Variants in SUMF2 observed in about 807,000 individuals in gnomAD.
SUMF2 encodes sulfatase modifying factor 2.
In SUMF2, 45 loss-of-function variants were observed where a neutral mutation model predicts 44.8. The observed-to-expected ratio is 1.00, with a 90% CI of 0.79 to 1.29. The LOEUF (loss-of-function observed/expected upper bound fraction) is 1.29, where lower values mean the gene tolerates loss of function less well. SUMF2 is among the 50% of genes most tolerant of loss of function. The pLI is 0.00. For missense variants in SUMF2, 418 were observed against 389.9 expected (o/e 1.07, Z -0.61); for synonymous variants, 148 against 150.4 (o/e 0.98, Z 0.12).
chr7:56,068,942 A>G (rs1794993491), intron 2 of SUMF2, among the ~76,000 whole-genome samples: 1 of 151,012 alleles, frequency 6.6e-6, no homozygotes, highest in Non-Finnish European at 1.5e-5. Flanking sequence ...CGAACTCCTG[A>G]CCTCAACTAT....
intron 6 of SUMF2, 103 bp from the exon 7 acceptor site, chr7:56,077,999 C>T: frequency 1.0e-6 from 1 of 963,988 alleles, no homozygotes; most frequent in Non-Finnish European, 1.6e-6. Flanking sequence ...CCTTCCCCTT[C>T]CCCAGATGCA....
At chr7:56,086,991 A>G in the SUMF2 span, 1 of 1,613,344 alleles carries the variant, frequency 6.2e-7, no homozygotes. Context: ...CAAGAAGAAG[A>G]AAGTGTTGGT....
intron 2 of SUMF2, among the ~76,000 whole-genome samples, chr7:56,070,223 A>G (rs918927053): frequency 3.9e-5 from 6 of 152,072 alleles, no homozygotes; most frequent in Admixed American, 3.3e-4. Context: ...ATCCATTTTA[A>G]AAGCCCAATT....
At chr7:56,078,706 C>T (rs555584392) in intron 8 of SUMF2, among the ~76,000 whole-genome samples, 198 bp downstream of exon 8, 1 of 152,112 alleles carries the variant, frequency 6.6e-6, no homozygotes, top group Non-Finnish European at 1.5e-5. Context: ...AGCAAAGGGA[C>T]CCAGGACACC....
chr7:56,080,963 A>G, downstream of SUMF2: 1 of 1,452,638 alleles, frequency 6.9e-7, no homozygotes, highest in Non-Finnish European at 9.4e-7. Context: ...CTCCTTCTGC[A>G]GAGGCCTGCA....
At chr7:56,079,006 T>C in intron 8 of SUMF2, 1 of 619,438 alleles carries the variant, frequency 1.6e-6, no homozygotes. Flanking sequence ...TAGCGATTCT[T>C]CCACCTCAGC....
rs773551960 is a variant in SUMF2, at chr7:56,074,663, C to T, written c.462C>T (p.Ala154=). ...ACGTGAGCTGGAATGACGCCCGTGC[C>T]TACTGTGCTTGGCGGGGAAAACGAC... ...VLHVSWNDAR[A]YCAWRGKRLP... The change falls in exon 5 of 9, where the codon GCC becomes GCT. Residue 154 remains alanine, a synonymous_variant. Transcript: ENST00000434526. 2.5e-6 allele frequency: 4 copies of T among 1,614,172 alleles called. No individual in the cohort carries two copies. The Middle Eastern group carries it at 4.9e-4, about 200-fold the overall frequency.
At chr7:56,087,914 G>A in the SUMF2 span, 1 of 657,026 alleles carries the variant, frequency 1.5e-6, no homozygotes, top group Non-Finnish European at 2.6e-6. Context: ...TTTTGGAAAT[G>A]GTGGATGAAT....
intron 1 of SUMF2, among the ~76,000 whole-genome samples, chr7:56,067,500 C>T (rs962780806): frequency 1.4e-4 from 21 of 152,146 alleles, no homozygotes; most frequent in African/African-American, 3.6e-4. Flanking sequence ...CAGCTGCTAC[C>T]TAAGAGATAG....
chr7:56,083,952 C>T (rs1161812692), downstream of SUMF2, among the ~76,000 whole-genome samples: 1 of 152,146 alleles, frequency 6.6e-6, no homozygotes, highest in Non-Finnish European at 1.5e-5. Flanking sequence ...CTCTCATCAA[C>T]CCTCCGAGGA....
chr7:56,078,436 G>A lies in SUMF2; in HGVS notation c.749G>A (p.Arg250His), dbSNP rs139491470. 34 of 1,610,482 alleles carry A rather than the reference G, an allele frequency of 2.1e-5. No homozygotes were observed. The highest frequency in any genetic ancestry group is 6.7e-5 in the Admixed American group (4 of 59,538). The change falls in exon 8 of 9, where the codon CGC (arginine) becomes CAC (histidine). Residue 250 changes from arginine (R) to histidine (H), a missense_variant. By Grantham distance (29) the Arg-to-His change is conservative. Transcript: ENST00000434526. The stretch of plus-strand genomic sequence containing the variant: ...TACCAGGCTGCTGAGCAGGACATGC[G>A]CGTCCTCCGGGGGGCATCCTGGATC... ...SPYQAAEQDM[R>H]VLRGASWIDT... is the part of the protein sequence containing the mutation.
At chr7:56,083,645 C>G (rs1003936012), downstream of SUMF2, 2 of 1,579,246 alleles carry the variant, frequency 1.3e-6, no homozygotes, top group East Asian at 4.6e-5. Flanking sequence ...CAAAGGGACC[C>G]TCACCTGGTT....
downstream of SUMF2, chr7:56,081,953 G>C: frequency 6.2e-7 from 1 of 1,613,872 alleles, no homozygotes; most frequent in Non-Finnish European, 8.5e-7. The surrounding 1 kb of genome is among the most constrained non-coding windows in gnomAD (Gnocchi z 4.6). Context: ...GGTAGTTGCC[G>C]CTCATGATCA....
downstream of SUMF2, chr7:56,082,198 A>G (rs1796037178): frequency 1.2e-6 from 2 of 1,613,712 alleles, no homozygotes; most frequent in African/African-American, 1.3e-5. Context: ...GGTGGTCCTC[A>G]TTCATGGAGC....
downstream of SUMF2, chr7:56,083,366 G>A (rs150097641): frequency 3.5e-5 from 56 of 1,613,990 alleles, no homozygotes; most frequent in Admixed American, 1.0e-4. Context: ...GAATGTTCTC[G>A]GGCTTCAGGT....
At chr7:56,087,793 C>T in the SUMF2 span, 1 of 1,598,350 alleles carries the variant, frequency 6.3e-7, no homozygotes, top group Admixed American at 1.7e-5. Flanking sequence ...GTGCAGAGGA[C>T]AGATGGCCTC....
chr7:56,081,749 G>A (rs765029179), downstream of SUMF2: 18 of 1,613,330 alleles, frequency 1.1e-5, no homozygotes, highest in South Asian at 4.4e-5. The surrounding 1 kb of genome is among the most constrained non-coding windows in gnomAD (Gnocchi z 4.6). Flanking sequence ...ACCAGGAATC[G>A]GGAGACCTGT....
the SUMF2 span, among the ~76,000 whole-genome samples, chr7:56,086,670 G>A: frequency 3.9e-5 from 6 of 152,018 alleles, no homozygotes; most frequent in Non-Finnish European, 7.4e-5. Flanking sequence ...GAGCCACTGC[G>A]CCCGCCTGTA....
At chr7:56,084,662 C>A (rs567324518), downstream of SUMF2, among the ~76,000 whole-genome samples, 7 of 152,058 alleles carry the variant, frequency 4.6e-5, no homozygotes, top group East Asian at 1.4e-3. Flanking sequence ...CGTGAGCCAC[C>A]ACGCCTGGCC....
Sources: gnomAD v4.1 joint callset for allele counts (sites outside exome capture counted in the v4.1 genomes callset) on GRCh38, gnomAD v4.1.1 for gene constraint, Gnocchi (gnomAD v3.1) non-coding constraint, MANE v1.5 for transcripts, NCBI Gene and HGNC (gene_info 2026-07-23, HGNC 2026-07-21) for gene names.